The following CAPRIN1 variants were observed in gnomAD, a reference collection of about 807,000 sequenced individuals.
CAPRIN1 encodes the protein cell cycle associated protein 1.
CAPRIN1 carries 29 observed loss-of-function variants against 100.9 expected under a neutral mutation model. The ratio of observed to expected loss-of-function variants is 0.29; its 90% CI spans 0.21 to 0.39. The LOEUF (loss-of-function observed/expected upper bound fraction) is 0.39. Among genes scored for constraint, CAPRIN1 ranks in the 10% least tolerant of loss-of-function variants. The pLI is 1.00. For missense variants in CAPRIN1, 795 were observed against 876.7 expected (o/e 0.91, Z 1.18); for synonymous variants, 338 against 307.5 (o/e 1.10, Z -1.04).
chr11:34,089,143 C>G (rs1163536646), intron 11 of CAPRIN1, among the ~76,000 whole-genome samples: 2 of 149,630 alleles, frequency 1.3e-5, no homozygotes, highest in African/African-American at 2.5e-5. Flanking sequence ...GTGGCACACA[C>G]CTGTAGTCAC....
At chr11:34,087,828 T>C (rs953712189) in intron 11 of CAPRIN1, among the ~76,000 whole-genome samples, 1 of 152,190 alleles carries the variant, frequency 6.6e-6, no homozygotes, top group African/African-American at 2.4e-5. Flanking sequence ...ATTTACATAA[T>C]GCTGAGTCCA....
chr11:34,083,332 A>G (rs1851069568), intron 9 of CAPRIN1, among the ~76,000 whole-genome samples: 1 of 152,174 alleles, frequency 6.6e-6, no homozygotes, highest in Non-Finnish European at 1.5e-5. Flanking sequence ...CTCTGTAAAA[A>G]TCTGGGCTCC....
At position 34,071,795 on chromosome 11, in the gene CAPRIN1, A is replaced by C. The variant is rs1328493605; in HGVS notation, c.279+7A>C. The C allele has an allele frequency of 1.4e-6, 2 of 1,462,256 alleles. No individual in the cohort carries two copies. Among genetic ancestry groups the C allele is most frequent in the South Asian group, 2.3e-5 (2 of 86,144 alleles). 90.6% of individuals were successfully genotyped at this position (1,462,256 alleles called of 1,614,324 possible). A position where few individuals can be genotyped will look rare whatever the true frequency, so the allele number is the denominator to read the frequency against. The stretch of plus-strand genomic sequence containing the variant: ...GCTTAATCAAGATCAGCTGGTAAAG[A>C]TGTTATATTTTTTATTTTAGACCTA... On this transcript the variant is annotated splice_region_variant and intron_variant, in intron 3 of 18. Coordinates refer to ENST00000341394, the MANE Select transcript of CAPRIN1 (RefSeq NM_005898.5).
chr11:34,059,879 CT>C (rs570241213), intron 2 of CAPRIN1, among the ~76,000 whole-genome samples: 94,998 of 109,732 alleles, frequency 0.87, 41,535 homozygotes, highest in Non-Finnish European at 0.93. Context: ...TAGAAGAATA[CT>C]TTTTTTTTTT....
intron 1 of CAPRIN1, 112 bp downstream of exon 1, chr11:34,051,983 C>G (rs888124208): frequency 1.3e-5 from 2 of 151,834 alleles, no homozygotes; most frequent in African/African-American, 4.8e-5. Flanking sequence ...CAAGTCCCCC[C>G]ACCCCACCCC....
Position 34,090,232 on chromosome 11 carries a change from C to T in CAPRIN1, c.1347C>T (p.Tyr449=). The change falls in exon 13 of 19, where the codon TAC becomes TAT. Residue 449 remains tyrosine (Y), a synonymous_variant. Coordinates refer to ENST00000341394, the MANE Select transcript of CAPRIN1 (RefSeq NM_005898.5). ...GGTACACAGCATCTCAACCCTTGTA[C>T]CAGCCTTCTCATGCTACAGAGCAAC... is the stretch of plus-strand genomic sequence containing the variant. The part of the protein sequence containing the change: ...SEGYTASQPL[Y]QPSHATEQRP... 2 of 1,613,906 alleles carry T rather than the reference C, an allele frequency of 1.2e-6. No homozygotes were observed. The highest frequency in any genetic ancestry group is 8.5e-7 in the Non-Finnish European group (1 of 1,179,906).
intron 2 of CAPRIN1, among the ~76,000 whole-genome samples, chr11:34,067,877 T>C (rs1237725535): frequency 6.6e-6 from 1 of 152,182 alleles, no homozygotes; most frequent in African/African-American, 2.4e-5. Flanking sequence ...CATGAAGATG[T>C]GTACCATGAA....
rs781110290 is a variant in CAPRIN1, at chr11:34,091,936, G to C, written c.1585G>C (p.Val529Leu). Residue 529 changes from valine to leucine, a missense_variant, in exon 15 of 19, where the codon GTT becomes CTT. Transcript: ENST00000341394. ...CAATATGAATGCCCCAGTTCCTCCT[G>C]TTAATGAACCAGAAACTTTAAAACA... The part of the protein sequence containing the change: ...VFNMNAPVPP[V>L]NEPETLKQQN... The C allele has an allele frequency of 6.2e-7, 1 of 1,613,780 alleles. No homozygotes were observed. Among genetic ancestry groups the C allele is most frequent in the Non-Finnish European group, 8.5e-7 (1 of 1,179,896 alleles).
chr11:34,055,244 A>G (rs1242413452), intron 2 of CAPRIN1, among the ~76,000 whole-genome samples: 2 of 151,672 alleles, frequency 1.3e-5, no homozygotes. Context: ...GCTTCCTGCA[A>G]CCTCCACCTC....
chr11:34,052,503 C>T lies in CAPRIN1; in HGVS notation c.83C>T (p.Ala28Val). The change falls in exon 2 of 19, where the codon GCG (alanine) becomes GTG (valine). Residue 28 changes from alanine to valine, a missense_variant. By Grantham distance (64) the Ala-to-Val change is moderately conservative. Coordinates refer to ENST00000341394, the MANE Select transcript of CAPRIN1 (RefSeq NM_005898.5). ...CCGTCGGGTTCCTCCGGGAGTGAGG[C>T]GGCCGCGGGAGCCGGGGCCGCCGCG... ...PPPSGSSGSE[A>V]AAGAGAAAPA... The T allele has an allele frequency of 6.2e-7, 1 of 1,604,680 alleles. No individual in the cohort carries two copies.
Position 34,090,582 on chromosome 11 carries a change from T to G in CAPRIN1, c.1458T>G (p.Ala486=). 1.9e-6 allele frequency: 3 copies of G among 1,614,174 alleles called. No homozygotes were observed. Among genetic ancestry groups the G allele is most frequent in the Non-Finnish European group, 2.5e-6 (3 of 1,179,996 alleles). The change falls in exon 14 of 19, where the codon GCT becomes GCG. Residue 486 remains alanine (A), a synonymous_variant. Transcript: ENST00000341394. ...CTACAGCATCATCATCCCTTCCTGCTGCGTCTCAGCCTCAAGTATTTCAGG... is the reference window on the plus strand; with the variant it reads ...CTACAGCATCATCATCCCTTCCTGCGGCGTCTCAGCCTCAAGTATTTCAGG... ...DQTTASSSLP[A]ASQPQVFQAG...
chr11:34,089,350 A>C, intron 11 of CAPRIN1, 45 bp from the exon 12 acceptor site: 1 of 1,274,002 alleles, frequency 7.8e-7, no homozygotes, highest in African/African-American at 1.6e-5. Context: ...CGTCTCTCTA[A>C]AAATTTAATT....
intron 2 of CAPRIN1, among the ~76,000 whole-genome samples, chr11:34,061,264 T>C (rs1850572344): frequency 6.9e-6 from 1 of 144,274 alleles, no homozygotes; most frequent in African/African-American, 2.6e-5. Flanking sequence ...TGGAGTACAA[T>C]GGCGCAATCT....
At chr11:34,076,756 A>G (rs1169017533) in intron 6 of CAPRIN1, 114 bp downstream of exon 6, 38 of 701,282 alleles carry the variant, frequency 5.4e-5, no homozygotes, top group Non-Finnish European at 7.3e-5. Context: ...TTTTTTGGAG[A>G]CAGAGTCTAC....
At chr11:34,072,725 T>C (rs916606348) in intron 4 of CAPRIN1, among the ~76,000 whole-genome samples, 1 of 152,198 alleles carries the variant, frequency 6.6e-6, no homozygotes, top group African/African-American at 2.4e-5. Context: ...GCCAGAAAAT[T>C]AAGCCATCTG....
At chr11:34,061,010 C>G (rs1850565893) in intron 2 of CAPRIN1, among the ~76,000 whole-genome samples, 1 of 151,996 alleles carries the variant, frequency 6.6e-6, no homozygotes, top group Non-Finnish European at 1.5e-5. Context: ...TTTCTTTTTC[C>G]TACTAGAGTC....
In CAPRIN1 at chr11:34,101,416, C is replaced by T. The variant is rs1851452162; in HGVS notation, c.*2049C>T. 6.6e-6 allele frequency among the ~76,000 whole-genome samples: 1 copy of T among 152,142 alleles called. No individual in the cohort carries two copies. The highest frequency in any genetic ancestry group is 1.5e-5 in the Non-Finnish European group (1 of 68,010). ...GTAGAAAATAATTTCATGACATTTA[C>T]AATCAGGACTGAAGTAAGTTCTTCA... is the stretch of plus-strand genomic sequence containing the variant. On this transcript the variant is annotated 3_prime_UTR_variant, in exon 19 of 19. Coordinates refer to ENST00000341394, the MANE Select transcript of CAPRIN1 (RefSeq NM_005898.5).
rs532365482 is a variant in CAPRIN1 at position 34,101,676 on chromosome 11, C to T, written c.*2309C>T. Among the ~76,000 whole-genome samples, 1 of 152,108 alleles carries T rather than the reference C, an allele frequency of 6.6e-6. No individual in the cohort carries two copies. The highest frequency in any genetic ancestry group is 2.4e-5 in the African/African-American group (1 of 41,500). ...ATATCTTTTATGTCTCTACTCAGAC[C>T]ATATTTTTAAAGGGGTGCCTCATTA... On this transcript the variant is annotated 3_prime_UTR_variant, in exon 19 of 19. Transcript: ENST00000341394.
intron 15 of CAPRIN1, among the ~76,000 whole-genome samples, chr11:34,093,405 T>C (rs1191133533): frequency 6.6e-6 from 1 of 152,152 alleles, no homozygotes; most frequent in Non-Finnish European, 1.5e-5. Context: ...TGAGCCACCA[T>C]GATGTCTTCT....
Sources: allele counts gnomAD v4.1 joint callset (sites outside exome capture counted in the v4.1 genomes callset), GRCh38; gene constraint gnomAD v4.1.1; transcripts MANE v1.5; gene names NCBI Gene and HGNC (gene_info 2026-07-23, HGNC 2026-07-21).